Variants in TANC1 observed in about 807,000 individuals in gnomAD.
TANC1 encodes protein TANC1.
In TANC1, 77 loss-of-function variants were observed where a neutral mutation model predicts 149.7. The observed-to-expected ratio is 0.51, with a 90% CI of 0.43 to 0.62. The LOEUF (loss-of-function observed/expected upper bound fraction) is 0.62. TANC1 is among the 20% of genes least tolerant of loss of function. The probability of loss-of-function intolerance (pLI) is 0.00; values close to 1 mark genes in which losing one functional copy is unlikely to be tolerated. For synonymous variants in TANC1, 854 were observed against 925.0 expected (o/e 0.92, Z 1.39); for missense variants, 1,985 against 2,321.8 (o/e 0.85, Z 2.98).
rs745896730 is a variant in TANC1, at chr2:159,198,999, G to C, written c.3190G>C (p.Glu1064Gln). 1 of 1,614,064 alleles carries C rather than the reference G, an allele frequency of 6.2e-7. No individual in the cohort carries two copies. The highest frequency in any genetic ancestry group is 1.7e-5 in the Admixed American group (1 of 60,020). Residue 1064 changes from glutamate to glutamine, a missense_variant, in exon 19 of 27, where the codon GAG becomes CAG. By Grantham distance (29) the Glu-to-Gln change is conservative. Transcript: ENST00000263635. ...SSVVQCLLGM[E>Q]KEHEVEVNGT... The stretch of plus-strand genomic sequence containing the variant: ...GGTGGTCCAGTGCTTGCTGGGGATG[G>C]AGAAGGAACATGAAGTAGAAGTCAA...
At chr2:159,155,981 A>G (rs2053392250) in intron 7 of TANC1, among the ~76,000 whole-genome samples, 1 of 152,218 alleles carries the variant, frequency 6.6e-6, no homozygotes, top group African/African-American at 2.4e-5. Context: ...GTGATTCCAG[A>G]GGTAGCTTTA....
intron 8 of TANC1, among the ~76,000 whole-genome samples, chr2:159,166,212 TTC>T (rs561361214): frequency 1.6e-4 from 25 of 152,190 alleles, no homozygotes; most frequent in Non-Finnish European, 3.2e-4. Flanking sequence ...TCAAAATACT[TTC>T]TGAGTGGATT....
chr2:159,041,800 A>G (rs1361500290), intron 2 of TANC1, among the ~76,000 whole-genome samples: 1 of 152,056 alleles, frequency 6.6e-6, no homozygotes, highest in Non-Finnish European at 1.5e-5. Context: ...TCCACTGTCC[A>G]CCCAGTCCCA....
intron 20 of TANC1, 116 bp downstream of exon 20, chr2:159,217,746 C>T (rs1374515250): frequency 9.6e-6 from 13 of 1,350,332 alleles, no homozygotes; most frequent in South Asian, 4.1e-5. Context: ...TCCCCATCCT[C>T]GGCTTCTGCT....
At chr2:159,198,931 T>A (rs1398343032) in intron 18 of TANC1, 44 bp from the exon 19 acceptor site, 20 of 1,426,968 alleles carry the variant, frequency 1.4e-5, no homozygotes, top group Non-Finnish European at 1.9e-5. Flanking sequence ...AATAAGCACC[T>A]CTTGCTAAGA....
At chr2:159,049,519 G>T (rs1177868579) in intron 2 of TANC1, among the ~76,000 whole-genome samples, 1 of 152,166 alleles carries the variant, frequency 6.6e-6, no homozygotes, top group African/African-American at 2.4e-5. Context: ...ACCGTCCAGG[G>T]TGGGGTCCAG....
At chr2:159,052,109 G>A (rs929341282) in intron 2 of TANC1, among the ~76,000 whole-genome samples, 5 of 152,068 alleles carry the variant, frequency 3.3e-5, no homozygotes, top group Non-Finnish European at 5.9e-5. Context: ...ACTGAAACAC[G>A]GCAGTTTCCA....
chr2:159,225,725 T>C lies in TANC1; in HGVS notation c.3849T>C (p.Asp1283=). 3.7e-6 allele frequency: 6 copies of C among 1,614,182 alleles called. No individual in the cohort carries two copies. Among genetic ancestry groups the C allele is most frequent in the Non-Finnish European group, 5.1e-6 (6 of 1,179,990 alleles). ...AAWAMATSKP[D]ILIILLQKLM... ...GGGCGATGGCCACTTCCAAACCTGA[T>C]ATCTTGATTATACTTTTACAGAAAT... Residue 1283 remains aspartate (D), a synonymous_variant, in exon 24 of 27, where the codon GAT becomes GAC. Transcript: ENST00000263635.
intron 5 of TANC1, chr2:159,147,544 A>G (rs2052273519): frequency 6.6e-6 from 1 of 152,304 alleles, no homozygotes; most frequent in South Asian, 2.1e-4. Flanking sequence ...GAGAATCAAA[A>G]TGTGCTTTGA....
chr2:159,110,864 T>G (rs2047655798), intron 4 of TANC1, among the ~76,000 whole-genome samples: 1 of 152,218 alleles, frequency 6.6e-6, no homozygotes, highest in South Asian at 2.1e-4. Context: ...GGTCTGTGTT[T>G]TCTGGCAAGC....
chr2:159,083,523 A>G (rs760746132), intron 3 of TANC1, among the ~76,000 whole-genome samples: 10 of 152,116 alleles, frequency 6.6e-5, no homozygotes, highest in Non-Finnish European at 7.4e-5. Context: ...GATCAAAGTA[A>G]TTTGTCAGTG....
At chr2:158,975,874 C>T (rs1404154084) in intron 1 of TANC1, among the ~76,000 whole-genome samples, 1 of 151,356 alleles carries the variant, frequency 6.6e-6, no homozygotes, top group African/African-American at 2.4e-5. Context: ...CACTCTATCA[C>T]CCAGGCTGGA....
At position 159,230,313 on chromosome 2, in the gene TANC1, G is replaced by A. The variant is rs767165939; in HGVS notation, c.4887G>A (p.Arg1629=). ...CAAGTAAGACGAAAACCACAGAGAGGCTTCTGTCTCATTCCTCCGTGGCTG... is the reference window on the plus strand; with the variant it reads ...CAAGTAAGACGAAAACCACAGAGAGACTTCTGTCTCATTCCTCCGTGGCTG... ...PLPSKTKTTE[R]LLSHSSVAVD... Residue 1629 remains arginine, a synonymous_variant, in exon 27 of 27, where the codon AGG becomes AGA. Coordinates refer to ENST00000263635, the MANE Select transcript of TANC1 (RefSeq NM_033394.3). This position sits in a 1 kb window ranked among gnomAD's most constrained non-coding sequence, Gnocchi z 4.4. The A allele has an allele frequency of 4.3e-6, 7 of 1,614,162 alleles. No homozygotes were observed. In the Admixed American group the frequency reaches 8.3e-5, roughly 19 times the overall value.
chr2:159,068,992 C>A (rs761138855), intron 3 of TANC1, among the ~76,000 whole-genome samples: 3 of 152,176 alleles, frequency 2.0e-5, no homozygotes, highest in Non-Finnish European at 2.9e-5. Flanking sequence ...CCACTCGCCT[C>A]GGCCTCGCAA....
At chr2:159,223,758 C>T (rs931333804) in intron 22 of TANC1, among the ~76,000 whole-genome samples, 2 of 152,200 alleles carry the variant, frequency 1.3e-5, no homozygotes, top group East Asian at 1.9e-4. Flanking sequence ...GTGGATTATA[C>T]TCGGGTCCAT....
intron 7 of TANC1, among the ~76,000 whole-genome samples, chr2:159,159,027 A>C (rs1013874508): frequency 6.6e-6 from 1 of 152,226 alleles, no homozygotes; most frequent in Non-Finnish European, 1.5e-5. Flanking sequence ...GTCAGGTTAC[A>C]GTTAGCTTTC....
At chr2:159,102,334 C>G (rs2046806128) in intron 4 of TANC1, among the ~76,000 whole-genome samples, 1 of 151,934 alleles carries the variant, frequency 6.6e-6, no homozygotes, top group African/African-American at 2.4e-5. Flanking sequence ...GGCTGGAGTG[C>G]AGTGGTGCTA....
At chr2:159,227,733 A>C in intron 24 of TANC1, 86 bp from the exon 25 acceptor site, 1 of 1,470,498 alleles carries the variant, frequency 6.8e-7, no homozygotes, top group South Asian at 1.2e-5. Context: ...AGGGGGGAGT[A>C]AACTCCCCAC....
intron 19 of TANC1, among the ~76,000 whole-genome samples, chr2:159,205,856 T>C (rs1432271478): frequency 6.6e-6 from 1 of 152,220 alleles, no homozygotes; most frequent in Non-Finnish European, 1.5e-5. Flanking sequence ...CATGGCTTGT[T>C]GGGGCATGTG....
Sources: gnomAD v4.1 joint callset for allele counts (sites outside exome capture counted in the v4.1 genomes callset) on GRCh38, gnomAD v4.1.1 for gene constraint, Gnocchi (gnomAD v3.1) non-coding constraint, MANE v1.5 for transcripts, NCBI Gene and HGNC (gene_info 2026-07-23, HGNC 2026-07-21) for gene names.